MTERF4: variants seen among roughly 807,000 people sequenced by gnomAD.
The protein encoded by MTERF4 is transcription termination factor 4, mitochondrial.
Under a neutral mutation model 22.5 loss-of-function variants are expected in MTERF4, and 17 were observed. The ratio of observed to expected loss-of-function variants is 0.75; its 90% confidence interval spans 0.52 to 1.13. The LOEUF (loss-of-function observed/expected upper bound fraction) is 1.13, where lower values mean the gene tolerates loss of function less well. Among genes scored for constraint, MTERF4 ranks in the 50% most tolerant of loss-of-function variants. The probability of loss-of-function intolerance (pLI) is 0.00; values close to 1 mark genes in which losing one functional copy is unlikely to be tolerated. For synonymous variants in MTERF4, 165 were observed against 175.3 expected (o/e 0.94, Z 0.47); for missense variants, 420 against 466.8 (o/e 0.90, Z 0.92).
At chr2:241,065,349 G>A in the MTERF4 span, 2 of 1,613,034 alleles carry the variant, frequency 1.2e-6, no homozygotes, top group African/African-American at 1.3e-5. Flanking sequence ...GGAGAGTGGG[G>A]TCTCTATCTC....
the MTERF4 span, chr2:241,048,268 C>G: frequency 6.5e-7 from 1 of 1,545,810 alleles, no homozygotes. Flanking sequence ...AGACCACTCT[C>G]CCCACATTCC....
downstream of MTERF4, chr2:241,094,724 C>T (rs1297304825): frequency 1.8e-5 from 4 of 224,562 alleles, no homozygotes; most frequent in Non-Finnish European, 2.7e-5. This position sits in a 1 kb window ranked among gnomAD's most constrained non-coding sequence, Gnocchi z 4.3. Flanking sequence ...CTGTGCACTG[C>T]AGGATGTTTC....
At chr2:241,070,685 G>C (rs1016415944), downstream of MTERF4, among the ~76,000 whole-genome samples, 23 of 152,228 alleles carry the variant, frequency 1.5e-4, no homozygotes, top group Non-Finnish European at 7.3e-5. Flanking sequence ...GGGGACAGAT[G>C]CTCCGAAGGG....
At chr2:241,090,621 C>G (rs900944082), downstream of MTERF4, among the ~76,000 whole-genome samples, 1 of 152,180 alleles carries the variant, frequency 6.6e-6, no homozygotes, top group Non-Finnish European at 1.5e-5. Context: ...TATTCTAGCA[C>G]TTTGGGAGGC....
intron 4 of MTERF4, chr2:241,081,593 A>AGG (rs3085964): frequency 0.11 from 111,681 of 1,030,002 alleles, 8,934 homozygotes; most frequent in African/African-American, 0.36. Context: ...GCATCAGGTC[A>AGG]TCAAGGAAGG....
chr2:241,076,998 G>C (rs1404958996), intron 4 of MTERF4, among the ~76,000 whole-genome samples: 1 of 151,742 alleles, frequency 6.6e-6, no homozygotes, highest in Non-Finnish European at 1.5e-5. Flanking sequence ...AGAATGGCGT[G>C]AACCCGGGAG....
Position 241,099,879 on chromosome 2 carries a change from G to A in MTERF4, c.37C>T (p.Arg13Cys), listed in dbSNP as rs150333416. The part of the protein sequence containing the change: ...AFGRQVLDWH[R>C]LIPLTWACMA... ...CAGGCCCAGGTGAGGGGGATCAGGCGGTGCCAATCAAGGACCTGTAAGACA... is the reference window on the plus strand; with the variant it reads ...CAGGCCCAGGTGAGGGGGATCAGGCAGTGCCAATCAAGGACCTGTAAGACA... The change falls in exon 2 of 4, where the codon CGC (arginine) becomes TGC (cysteine). Residue 13 changes from arginine to cysteine, a missense_variant. Arg to Cys is a radical substitution (Grantham distance 180). Transcript: ENST00000391980. 2.5e-5 allele frequency: 41 copies of A among 1,612,596 alleles called. No individual in the cohort carries two copies. The highest frequency in any genetic ancestry group is 9.3e-5 in the African/African-American group (7 of 75,022).
chr2:241,084,557 TC>T (rs2063491213), downstream of MTERF4, among the ~76,000 whole-genome samples: 2 of 152,316 alleles, frequency 1.3e-5, no homozygotes, highest in Non-Finnish European at 2.9e-5. Context: ...ACATCAAGCT[TC>T]CACTTCCCTC....
At position 241,073,403 on chromosome 2, in the gene MTERF4, G is replaced by T. The variant is rs375225220; in HGVS notation, n.2759C>A. On this transcript the variant is annotated non_coding_transcript_exon_variant, in exon 5 of 5. Coordinates refer to the MTERF4 transcript ENST00000464344. This position sits in a 1 kb window ranked among gnomAD's most constrained non-coding sequence, Gnocchi z 6.6. ...GCTGGTGGGGACTTTGGGACTGACT[G>T]ACTGCTCTCAGGGGCCTTAGAGGCT... The T allele has an allele frequency of 1.1e-4, 171 of 1,503,046 alleles. 1 individual carries two copies. Among genetic ancestry groups the T allele is most frequent in the Non-Finnish European group, 4.5e-6 (5 of 1,102,916 alleles). 93.1% of individuals were successfully genotyped at this position (1,503,046 alleles called of 1,614,324 possible).
At chr2:241,070,096 C>T (rs753463843), downstream of MTERF4, 11 of 1,613,004 alleles carry the variant, frequency 6.8e-6, no homozygotes, top group South Asian at 1.1e-5. Flanking sequence ...CTACACGGTG[C>T]GCGACCTGCT....
downstream of MTERF4, chr2:241,067,764 G>A: frequency 6.2e-7 from 1 of 1,603,634 alleles, no homozygotes; most frequent in African/African-American, 1.3e-5. Flanking sequence ...TTCCCCCTAG[G>A]ACCCCGCCCT....
chr2:241,090,535 T>G, downstream of MTERF4: 1 of 1,411,908 alleles, frequency 7.1e-7, no homozygotes, highest in African/African-American at 1.4e-5. Flanking sequence ...TACATAATTG[T>G]ATGTGCTAGA....
At chr2:241,101,602 C>G (rs1221728792) in intron 1 of MTERF4, among the ~76,000 whole-genome samples, 1 of 152,264 alleles carries the variant, frequency 6.6e-6, no homozygotes, top group Non-Finnish European at 1.5e-5. Flanking sequence ...CCTCCCCTGT[C>G]CAGATGCTCC....
At position 241,099,798 on chromosome 2, in the gene MTERF4, A is replaced by G; in HGVS notation, c.118T>C (p.Leu40=). 1 of 1,614,168 alleles carries G rather than the reference A, an allele frequency of 6.2e-7. No homozygotes were observed. Among genetic ancestry groups the G allele is most frequent in the Non-Finnish European group, 8.5e-7 (1 of 1,180,026 alleles). ...GEQRRTTASL[L]RKLTTASNGG... ...TTGGAGGCTGTAGTCAGTTTGCGCA[A>G]CAAAGAAGCTGTCGTCCTTCTCTGT... Residue 40 remains leucine, a synonymous_variant, in exon 2 of 4, where the codon TTG becomes CTG. Coordinates refer to ENST00000391980, the MANE Select transcript of MTERF4 (RefSeq NM_182501.4).
chr2:241,048,412 A>G, the MTERF4 span: 5 of 1,610,986 alleles, frequency 3.1e-6, no homozygotes, highest in Non-Finnish European at 3.4e-6. Flanking sequence ...AGTGCCCCGA[A>G]GGCTTCATGG....
the MTERF4 span, chr2:241,053,249 G>A: frequency 1.9e-6 from 3 of 1,607,050 alleles, no homozygotes; most frequent in Non-Finnish European, 2.5e-6. Flanking sequence ...TGTGACCGTG[G>A]CTACAGCCTG....
At chr2:241,088,735 G>A (rs1047506154), downstream of MTERF4, 4 of 335,588 alleles carry the variant, frequency 1.2e-5, no homozygotes, top group Non-Finnish European at 2.2e-5. Flanking sequence ...CAGGGGGGTG[G>A]GCCCTTGGAG....
downstream of MTERF4, chr2:241,094,329 T>C: frequency 2.1e-6 from 1 of 470,426 alleles, no homozygotes; most frequent in Non-Finnish European, 4.4e-6. This position sits in a 1 kb window ranked among gnomAD's most constrained non-coding sequence, Gnocchi z 4.3. Flanking sequence ...GGACTGCCAC[T>C]GCCATCTGAC....
At chr2:241,072,990 T>G (rs1250034053) in exon 5 of MTERF4, 1 of 485,326 alleles carries the variant, frequency 2.1e-6, no homozygotes, top group Non-Finnish European at 3.6e-6. Flanking sequence ...GGATGGGGCC[T>G]CTCAGCATGA....
Sources: allele counts gnomAD v4.1 joint callset (sites outside exome capture counted in the v4.1 genomes callset), GRCh38; gene constraint gnomAD v4.1.1; non-coding constraint Gnocchi (gnomAD v3.1); transcripts MANE v1.5; gene names NCBI Gene and HGNC (gene_info 2026-07-23, HGNC 2026-07-21).